Variants in RYR3 observed in about 807,000 individuals in gnomAD.
The protein encoded by RYR3 is brain ryanodine receptor-calcium release channel.
RYR3 carries 207 observed loss-of-function variants against 584.3 expected under a neutral mutation model. That is an observed-to-expected ratio of 0.35 (90% CI 0.32 to 0.40). RYR3 has a LOEUF of 0.40. RYR3 is among the 10% of genes least tolerant of loss of function. The probability of loss-of-function intolerance (pLI) is 1.00; values close to 1 mark genes in which losing one functional copy is unlikely to be tolerated. For synonymous variants in RYR3, 2,416 were observed against 2,248.5 expected (o/e 1.07, Z -2.11); for missense variants, 5,616 against 6,089.2 (o/e 0.92, Z 2.59).
At chr15:33,624,162 C>T in intron 20 of RYR3, 139 bp downstream of exon 20, 1 of 667,170 alleles carries the variant, frequency 1.5e-6, no homozygotes, top group Non-Finnish European at 2.6e-6. Context: ...TGTTACTCCT[C>T]ACATTTTCAC....
chr15:33,832,022 G>A (rs1174896845), intron 86 of RYR3, among the ~76,000 whole-genome samples: 1 of 152,132 alleles, frequency 6.6e-6, no homozygotes, highest in African/African-American at 2.4e-5. Flanking sequence ...AGCCAGATGC[G>A]GTGGCTCATG....
At chr15:33,767,337 GA>G (rs1317354520) in intron 60 of RYR3, among the ~76,000 whole-genome samples, 1 of 151,520 alleles carries the variant, frequency 6.6e-6, no homozygotes, top group Non-Finnish European at 1.5e-5. Context: ...ACCATGGGAA[GA>G]AAAAAAGAGC....
intron 16 of RYR3, among the ~76,000 whole-genome samples, chr15:33,595,822 T>TA (rs879812453): frequency 1.1e-4 from 17 of 151,686 alleles, no homozygotes; most frequent in South Asian, 2.1e-4. Context: ...AACCTTAATT[T>TA]AAAAAAAAAT....
chr15:33,571,733 T>C (rs1035568950), intron 12 of RYR3, among the ~76,000 whole-genome samples: 1 of 152,192 alleles, frequency 6.6e-6, no homozygotes, highest in African/African-American at 2.4e-5. Flanking sequence ...ATATTTGATT[T>C]TTTAAAATAG....
chr15:33,336,440 A>AAGAGAGAGAGAGAGAGAGAGAG, intron 1 of RYR3, among the ~76,000 whole-genome samples: 1 of 12,138 alleles, frequency 8.2e-5, no homozygotes. Context: ...GAAAGAAAGA[A>AAGAGAGAGAGAGAGAGAGAGAG]AGAGAGAGAG....
chr15:33,384,092 C>G (rs374087219), intron 1 of RYR3, among the ~76,000 whole-genome samples: 12 of 152,252 alleles, frequency 7.9e-5, no homozygotes, highest in Admixed American at 2.6e-4. Context: ...ACTCTGCCCC[C>G]CTTTGATAGG....
chr15:33,371,453 G>A (rs2040325185), intron 1 of RYR3, among the ~76,000 whole-genome samples: 1 of 152,170 alleles, frequency 6.6e-6, no homozygotes, highest in South Asian at 2.1e-4. Flanking sequence ...GTGTCATGAG[G>A]CCCCTTAAAT....
chr15:33,684,156 G>A lies in RYR3; in HGVS notation c.5861-12062G>A, dbSNP rs146387634. 3.5e-3 allele frequency among the ~76,000 whole-genome samples: 526 copies of A among 152,364 alleles called. 4 individuals are homozygous for A. The highest frequency in any genetic ancestry group is 0.012 in the African/African-American group (491 of 41,598). ...GTGGTTCTCCCAGCACAGTGTTTGA[G>A]CTCTGAGAATGGACAGACTGCCTCC... On this transcript the variant is annotated intron_variant, in intron 38 of 103. Coordinates refer to ENST00000634891, the MANE Select transcript of RYR3 (RefSeq NM_001036.6).
At chr15:33,626,471 A>G (rs2060993907) in intron 20 of RYR3, among the ~76,000 whole-genome samples, 1 of 152,232 alleles carries the variant, frequency 6.6e-6, no homozygotes. Flanking sequence ...CTAACGATGC[A>G]ATAGAAAAGA....
In RYR3 at chr15:33,345,924, G is replaced by A. The variant is rs112730503; in HGVS notation, c.51+34828G>A. On this transcript the variant is annotated intron_variant, in intron 1 of 103. Transcript: ENST00000634891. ...TGCTTTTTTGAATGTATTAACATGC[G>A]CCATTTCTTAATAAAAATCTAGTTA... 8.7e-3 allele frequency among the ~76,000 whole-genome samples: 1,325 copies of A among 152,092 alleles called. 26 individuals are homozygous for A. The highest frequency in any genetic ancestry group is 0.03 in the African/African-American group (1,233 of 41,476).
At chr15:33,689,384 A>C (rs1246816179) in intron 38 of RYR3, among the ~76,000 whole-genome samples, 1 of 152,126 alleles carries the variant, frequency 6.6e-6, no homozygotes, top group Non-Finnish European at 1.5e-5. Context: ...AAATCCTACC[A>C]AAATTGTCAG....
At chr15:33,335,894 A>T (rs978169600) in intron 1 of RYR3, among the ~76,000 whole-genome samples, 12 of 152,176 alleles carry the variant, frequency 7.9e-5, no homozygotes, top group African/African-American at 2.9e-4. Flanking sequence ...GGAATAAATT[A>T]ACCATCTAAC....
At position 33,834,336 on chromosome 15, in the gene RYR3, ATGGAAAATG is replaced by A. The variant is rs2077894522; in HGVS notation, c.11464-631_11464-623del. 2.7e-5 allele frequency among the ~76,000 whole-genome samples: 4 copies of A among 150,446 alleles called. No individual in the cohort carries two copies. The South Asian group carries it at 6.3e-4, about 24-fold the overall frequency. The stretch of plus-strand genomic sequence containing the variant: ...CACACACACACACAGTGAGATTAAC[ATGGAAAATG>A]CAAACTAAGTTATTCCTCTACATTT... On this transcript the variant is annotated intron_variant, in intron 86 of 103. Transcript: ENST00000634891.
At chr15:33,431,405 A>G (rs534676814) in intron 1 of RYR3, among the ~76,000 whole-genome samples, 2 of 152,330 alleles carry the variant, frequency 1.3e-5, no homozygotes, top group Admixed American at 6.5e-5. Context: ...TCATACATAT[A>G]AGTGTGTGTA....
At chr15:33,858,746 G>C (rs971673997) in intron 99 of RYR3, 6 of 152,256 alleles carry the variant, frequency 3.9e-5, no homozygotes, top group African/African-American at 1.4e-4. Context: ...CCCAGAGTAA[G>C]CCAGCTTGGC....
chr15:33,835,843 TG>T (rs1361638695), intron 87 of RYR3, among the ~76,000 whole-genome samples: 4 of 152,200 alleles, frequency 2.6e-5, no homozygotes, highest in African/African-American at 9.7e-5. Context: ...CTGTGTCAGC[TG>T]GGCAGTGTAG....
At chr15:33,385,835 C>T (rs2141236853) in intron 1 of RYR3, among the ~76,000 whole-genome samples, 1 of 151,672 alleles carries the variant, frequency 6.6e-6, no homozygotes, top group Non-Finnish European at 1.5e-5. Flanking sequence ...TCCCAAGTAG[C>T]TGGGATTACA....
At chr15:33,483,074 A>T (rs1470858456) in intron 2 of RYR3, among the ~76,000 whole-genome samples, 2 of 151,802 alleles carry the variant, frequency 1.3e-5, no homozygotes, top group Non-Finnish European at 2.9e-5. Context: ...CCTCTAATGA[A>T]TTTATTTCAG....
intron 18 of RYR3, among the ~76,000 whole-genome samples, chr15:33,611,265 G>A (rs1454509643): frequency 2.6e-5 from 4 of 152,162 alleles, no homozygotes; most frequent in African/African-American, 4.8e-5. Flanking sequence ...AATAAAAAGT[G>A]TGTGTGTGGG....
Sources: gnomAD v4.1 joint callset for allele counts (sites outside exome capture counted in the v4.1 genomes callset) on GRCh38, gnomAD v4.1.1 for gene constraint, MANE v1.5 for transcripts, NCBI Gene and HGNC (gene_info 2026-07-23, HGNC 2026-07-21) for gene names.